ADAMTSL1: variants seen among roughly 807,000 people sequenced by gnomAD.
ADAMTSL1 encodes the protein ADAMTS-like protein 1.
A neutral mutation model predicts 201.8 loss-of-function variants in ADAMTSL1; 126 were observed. The observed-to-expected ratio is 0.62, with a 90% CI of 0.54 to 0.72. The LOEUF is 0.72. Among genes scored for constraint, ADAMTSL1 ranks in the 30% least tolerant of loss-of-function variants. The probability of loss-of-function intolerance (pLI) is 0.00; values close to 1 mark genes in which losing one functional copy is unlikely to be tolerated. For synonymous variants in ADAMTSL1, 1,121 were observed against 903.4 expected (o/e 1.24, Z -4.32); for missense variants, 2,679 against 2,277.8 (o/e 1.18, Z -3.59).
chr9:18,744,291 T>A (rs949576518), intron 15 of ADAMTSL1, among the ~76,000 whole-genome samples: 18 of 152,374 alleles, frequency 1.2e-4, no homozygotes, highest in African/African-American at 4.1e-4. Flanking sequence ...GTCTGCTTTC[T>A]CCATCTTTGC....
intron 1 of ADAMTSL1, among the ~76,000 whole-genome samples, chr9:17,958,479 C>G (rs953048054): frequency 1.6e-4 from 25 of 152,110 alleles, no homozygotes; most frequent in African/African-American, 4.6e-4. Flanking sequence ...TTGTGGAGTG[C>G]TAATAATGTC....
At chr9:18,370,189 A>T (rs1233376461) in intron 2 of ADAMTSL1, among the ~76,000 whole-genome samples, 1 of 152,094 alleles carries the variant, frequency 6.6e-6, no homozygotes, top group Admixed American at 6.5e-5. Flanking sequence ...CTGAGGCAGG[A>T]AAGTCACTTG....
At chr9:18,671,144 C>T (rs902017388) in intron 9 of ADAMTSL1, among the ~76,000 whole-genome samples, 1 of 151,954 alleles carries the variant, frequency 6.6e-6, no homozygotes, top group African/African-American at 2.4e-5. Context: ...TGGTTGAATC[C>T]GTGGACGCAG....
chr9:18,648,980 T>A (rs1376453318), intron 7 of ADAMTSL1, among the ~76,000 whole-genome samples: 1 of 152,172 alleles, frequency 6.6e-6, no homozygotes, highest in Non-Finnish European at 1.5e-5. Flanking sequence ...TCCTGCAGAG[T>A]GTTTTCCAAC....
chr9:18,517,937 T>G (rs1224602858), intron 2 of ADAMTSL1, among the ~76,000 whole-genome samples: 1 of 152,168 alleles, frequency 6.6e-6, no homozygotes, highest in Non-Finnish European at 1.5e-5. Context: ...GTTATCTTTA[T>G]AACAGTTCCT....
At chr9:18,153,290 G>C (rs1043703925) in intron 1 of ADAMTSL1, among the ~76,000 whole-genome samples, 3 of 152,014 alleles carry the variant, frequency 2.0e-5, no homozygotes, top group Non-Finnish European at 4.4e-5. Context: ...TCTATACTCT[G>C]ACCCTTATTA....
At chr9:18,329,241 A>G (rs969886633) in intron 2 of ADAMTSL1, among the ~76,000 whole-genome samples, 11 of 152,294 alleles carry the variant, frequency 7.2e-5, no homozygotes, top group African/African-American at 2.4e-4. Flanking sequence ...CTGAATCTTA[A>G]TCTTGGGCTT....
intron 2 of ADAMTSL1, among the ~76,000 whole-genome samples, chr9:18,258,518 C>T (rs1831784143): frequency 6.6e-6 from 1 of 152,314 alleles, no homozygotes; most frequent in Non-Finnish European, 1.5e-5. Context: ...CCTTAATCTG[C>T]CATCCTTGCC....
At chr9:17,923,033 A>G (rs956396060) in intron 1 of ADAMTSL1, among the ~76,000 whole-genome samples, 3 of 152,098 alleles carry the variant, frequency 2.0e-5, no homozygotes, top group African/African-American at 7.2e-5. Flanking sequence ...TGTTTAGAAA[A>G]CCATCCAAAG....
chr9:18,281,371 C>G (rs1014904143), intron 2 of ADAMTSL1, among the ~76,000 whole-genome samples: 1 of 152,082 alleles, frequency 6.6e-6, no homozygotes, highest in Non-Finnish European at 1.5e-5. Context: ...ACCGCACTCA[C>G]CAGACTATGG....
At chr9:17,998,764 T>C (rs886354394) in intron 1 of ADAMTSL1, among the ~76,000 whole-genome samples, 2 of 151,966 alleles carry the variant, frequency 1.3e-5, no homozygotes, top group Admixed American at 1.3e-4. Context: ...TGACTTTGTG[T>C]CTTATAAGTG....
intron 1 of ADAMTSL1, among the ~76,000 whole-genome samples, chr9:18,117,358 A>G (rs890636172): frequency 2.0e-5 from 3 of 151,792 alleles, no homozygotes; most frequent in African/African-American, 7.3e-5. Flanking sequence ...TACCGCCTTC[A>G]CCCTCGCTTC....
intron 2 of ADAMTSL1, among the ~76,000 whole-genome samples, chr9:18,203,502 A>C (rs1829531365): frequency 1.3e-5 from 2 of 151,454 alleles, no homozygotes; most frequent in Non-Finnish European, 2.9e-5. Flanking sequence ...GCCTAGGCTC[A>C]GGATAGATAC....
At chr9:18,472,981 C>T (rs1821276986), upstream of ADAMTSL1, among the ~76,000 whole-genome samples, 1 of 152,172 alleles carries the variant, frequency 6.6e-6, no homozygotes, top group African/African-American at 2.4e-5. Flanking sequence ...ATCTCCCTTG[C>T]TGGTGGATTA....
chr9:18,297,355 CT>C (rs1563867631), intron 2 of ADAMTSL1, among the ~76,000 whole-genome samples: 1 of 150,804 alleles, frequency 6.6e-6, no homozygotes, highest in African/African-American at 2.4e-5. Flanking sequence ...TAACTTTTTT[CT>C]TTTTTTCTTT....
intron 4 of ADAMTSL1, among the ~76,000 whole-genome samples, chr9:18,611,232 T>G (rs1825341676): frequency 6.6e-6 from 1 of 152,160 alleles, no homozygotes; most frequent in African/African-American, 2.4e-5. Flanking sequence ...GAGGCCAAAT[T>G]CAACACTTTC....
intron 3 of ADAMTSL1, among the ~76,000 whole-genome samples, chr9:18,566,854 A>T (rs1003545561): frequency 1.3e-5 from 2 of 152,214 alleles, no homozygotes; most frequent in South Asian, 4.1e-4. Context: ...AGACTATTGC[A>T]AGAACGCAGG....
chr9:18,623,687 C>T (rs533741033), intron 5 of ADAMTSL1, among the ~76,000 whole-genome samples: 1 of 152,264 alleles, frequency 6.6e-6, no homozygotes, highest in Admixed American at 6.5e-5. Context: ...CTAGGCACTG[C>T]AGCAGATACA....
intron 1 of ADAMTSL1, among the ~76,000 whole-genome samples, chr9:18,498,518 A>T (rs982891342): frequency 6.6e-6 from 1 of 152,016 alleles, no homozygotes; most frequent in African/African-American, 2.4e-5. Context: ...TTGTGTTTGT[A>T]GTAACGATGG....
Sources: gnomAD v4.1 joint callset for allele counts (sites outside exome capture counted in the v4.1 genomes callset) on GRCh38, gnomAD v4.1.1 for gene constraint, MANE v1.5 for transcripts, NCBI Gene and HGNC (gene_info 2026-07-23, HGNC 2026-07-21) for gene names.